The following SDK1 variants were observed in gnomAD, a reference collection of about 807,000 sequenced individuals.
The protein encoded by SDK1 is sidekick cell adhesion molecule 1.
A neutral mutation model predicts 245.5 loss-of-function variants in SDK1; 157 were observed. That is an observed-to-expected ratio of 0.64 (90% CI 0.56 to 0.73). SDK1 has a LOEUF of 0.73. SDK1 is among the 30% of genes least tolerant of loss of function. The probability of loss-of-function intolerance (pLI) is 0.00; values close to 1 mark genes in which losing one functional copy is unlikely to be tolerated. For missense variants in SDK1, 3,583 were observed against 3,002.3 expected, an observed-to-expected ratio of 1.19 and a Z score of -4.52; for synonymous variants, 1,647 against 1,278.5, an observed-to-expected ratio of 1.29 and a Z score of -6.15.
chr7:3,339,543 G>T (rs780767253), intron 1 of SDK1, among the ~76,000 whole-genome samples: 3 of 151,974 alleles, frequency 2.0e-5, no homozygotes, highest in Admixed American at 2.0e-4. Context: ...AATAAAAAAC[G>T]TAAAAGGATT....
intron 1 of SDK1, among the ~76,000 whole-genome samples, chr7:3,553,690 C>G (rs1026128479): frequency 2.0e-5 from 3 of 152,144 alleles, no homozygotes; most frequent in Non-Finnish European, 4.4e-5. Context: ...TTCTGTGAAG[C>G]AATTGTTAGA....
intron 5 of SDK1, among the ~76,000 whole-genome samples, chr7:3,850,109 C>G (rs1416690265): frequency 2.0e-5 from 3 of 152,150 alleles, no homozygotes; most frequent in African/African-American, 4.8e-5. Flanking sequence ...ACATTGCTGT[C>G]CTGTGACAAA....
In SDK1 at chr7:4,164,415, G is replaced by A. The variant is rs538777135; in HGVS notation, c.4800+2559G>A. Among the ~76,000 whole-genome samples, 3 of 152,134 alleles carry A rather than the reference G, an allele frequency of 2.0e-5. No homozygotes were observed. In the East Asian group the frequency reaches 5.8e-4, roughly 30 times the overall value. On this transcript the variant is annotated intron_variant, in intron 32 of 44. Coordinates refer to ENST00000404826, the MANE Select transcript of SDK1 (RefSeq NM_152744.4). ...TGGGGGCCGCTAGACCCCCAGACCC[G>A]AGCTTCAGCCCTGACTCCCGTGAGG... is the stretch of plus-strand genomic sequence containing the variant.
Position 4,267,046 on chromosome 7 carries a change from G to T in SDK1, c.*1662G>T. The T allele has an allele frequency of 2.0e-6, 2 of 985,526 alleles. No homozygotes were observed. The highest frequency in any genetic ancestry group is 5.2e-4 in the Middle Eastern group (1 of 1,914). The allele number at this position is 985,526 out of a possible 1,614,324, so 61.0% of individuals were successfully genotyped here. On this transcript the variant is annotated 3_prime_UTR_variant, in exon 45 of 45. Coordinates refer to ENST00000404826, the MANE Select transcript of SDK1 (RefSeq NM_152744.4). ...TCCATGGGCAGAGGGTGTGGATATT[G>T]CCTGGATTCTGTGCTGTCAGCGTTG...
chr7:4,167,083 C>T (rs924378937), intron 32 of SDK1, among the ~76,000 whole-genome samples: 3 of 152,208 alleles, frequency 2.0e-5, no homozygotes, highest in African/African-American at 7.2e-5. Flanking sequence ...AACCCAGGCA[C>T]ACTCCTACCA....
chr7:3,813,339 C>A (rs1158919280), intron 4 of SDK1, among the ~76,000 whole-genome samples: 2 of 146,868 alleles, frequency 1.4e-5, no homozygotes, highest in Non-Finnish European at 3.0e-5. Flanking sequence ...TCATTTCCCA[C>A]CTATGAGTGA....
chr7:3,886,741 C>T (rs1310539707), intron 5 of SDK1, among the ~76,000 whole-genome samples: 1 of 152,170 alleles, frequency 6.6e-6, no homozygotes, highest in Admixed American at 6.5e-5. Flanking sequence ...AAAGCAAGGA[C>T]CTGTCTCTAC....
chr7:3,677,161 C>G (rs769913616), intron 4 of SDK1, among the ~76,000 whole-genome samples: 4 of 152,136 alleles, frequency 2.6e-5, no homozygotes, highest in South Asian at 2.1e-4. Flanking sequence ...GAATTTCCAA[C>G]TCTCCCACAG....
At chr7:3,449,452 A>G (rs754890998) in intron 1 of SDK1, among the ~76,000 whole-genome samples, 4 of 151,756 alleles carry the variant, frequency 2.6e-5, no homozygotes, top group Non-Finnish European at 5.9e-5. Context: ...TAACTCCAGT[A>G]TCTCTAGCCA....
At chr7:4,071,324 C>G (rs111986192) in intron 20 of SDK1, among the ~76,000 whole-genome samples, 4,403 of 152,300 alleles carry the variant, frequency 0.029, 103 homozygotes, top group Admixed American at 0.054. Flanking sequence ...CACGCCTGGC[C>G]TCACCTTAAC....
chr7:4,022,896 C>T (rs943117146), intron 17 of SDK1, among the ~76,000 whole-genome samples: 1 of 151,750 alleles, frequency 6.6e-6, no homozygotes, highest in African/African-American at 2.4e-5. Flanking sequence ...GCCTCAGCCT[C>T]CCAAGTAGCT....
chr7:3,885,160 C>T (rs1439079669), intron 5 of SDK1, among the ~76,000 whole-genome samples: 3 of 152,090 alleles, frequency 2.0e-5, no homozygotes, highest in Admixed American at 6.5e-5. Flanking sequence ...GTCCACAACG[C>T]GAGGGCTGTG....
intron 4 of SDK1, among the ~76,000 whole-genome samples, chr7:3,653,040 CA>C (rs1417550206): frequency 6.6e-6 from 1 of 152,200 alleles, no homozygotes; most frequent in Non-Finnish European, 1.5e-5. Context: ...CAGTGCCAAA[CA>C]GTGGACTTCT....
chr7:3,682,815 T>G (rs946841449), intron 4 of SDK1, among the ~76,000 whole-genome samples: 1 of 151,984 alleles, frequency 6.6e-6, no homozygotes, highest in Non-Finnish European at 1.5e-5. Flanking sequence ...CTCAGCTCAC[T>G]GCAACCCCCA....
chr7:3,662,440 A>T (rs751524563), intron 4 of SDK1, among the ~76,000 whole-genome samples: 1 of 152,148 alleles, frequency 6.6e-6, no homozygotes, highest in African/African-American at 2.4e-5. Context: ...GAAAGTGGGA[A>T]ACCCATGACT....
chr7:3,339,745 T>C (rs1381375752), intron 1 of SDK1, among the ~76,000 whole-genome samples: 1 of 152,082 alleles, frequency 6.6e-6, no homozygotes, highest in East Asian at 1.9e-4. Context: ...AAGAGGGAAA[T>C]TTATAGCACT....
intron 5 of SDK1, among the ~76,000 whole-genome samples, chr7:3,882,025 AGGC>A (rs1285728706): frequency 1.3e-5 from 2 of 152,156 alleles, no homozygotes; most frequent in African/African-American, 4.8e-5. Flanking sequence ...ATAGCTGGGG[AGGC>A]CTCACAATCA....
chr7:3,728,230 T>C (rs1779073368), intron 4 of SDK1, among the ~76,000 whole-genome samples: 1 of 152,192 alleles, frequency 6.6e-6, no homozygotes, highest in Admixed American at 6.5e-5. Flanking sequence ...ACTGTAAAGT[T>C]ACTCCGTTTC....
intron 4 of SDK1, among the ~76,000 whole-genome samples, chr7:3,785,615 A>T (rs182291334): frequency 4.6e-5 from 7 of 152,358 alleles, no homozygotes; most frequent in Admixed American, 2.6e-4. Flanking sequence ...ATTGGTGTAA[A>T]TGCTTTATAA....
Sources: allele counts gnomAD v4.1 joint callset (sites outside exome capture counted in the v4.1 genomes callset), GRCh38; gene constraint gnomAD v4.1.1; transcripts MANE v1.5; gene names NCBI Gene and HGNC (gene_info 2026-07-23, HGNC 2026-07-21).